Variants in KDM5A observed in about 807,000 individuals in gnomAD.
The protein encoded by KDM5A is lysine demethylase 5A.
In KDM5A, 42 loss-of-function variants were observed where a neutral mutation model predicts 193.5. That is an observed-to-expected ratio of 0.22 (90% CI 0.17 to 0.28). The LOEUF is 0.28. KDM5A is among the 10% of genes least tolerant of loss of function. The pLI, the probability that KDM5A is intolerant of heterozygous loss-of-function variation, is 1.00. For missense variants in KDM5A, 1,692 were observed against 2,055.1 expected (o/e 0.82, Z 3.42); for synonymous variants, 796 against 718.1 (o/e 1.11, Z -1.73).
rs1309592962 is a variant in KDM5A, at chr12:329,016, C to A, written c.1787G>T (p.Arg596Leu). Reference protein sequence around the residue: ...FCTADWLPIGRQCVNHYRRLR... With the variant: ...FCTADWLPIGLQCVNHYRRLR... The stretch of plus-strand genomic sequence containing the variant: ...GCGTCGGTAATGATTTACACATTGA[C>A]GTCCAATGGGCAACTGAAAATGAGA... The change falls in exon 14 of 28, where the codon CGT (arginine) becomes CTT (leucine). Residue 596 changes from arginine to leucine, a missense_variant. Around this residue, in one of 11 missense-constraint regions of KDM5A, gnomAD observed 172 missense variants for 260.3 expected, o/e 0.66. Transcript: ENST00000399788. 2 of 1,614,106 alleles carry A rather than the reference C, an allele frequency of 1.2e-6. No homozygotes were observed. Among genetic ancestry groups the A allele is most frequent in the Non-Finnish European group, 1.7e-6 (2 of 1,179,970 alleles).
At position 282,304 on chromosome 12, in the gene KDM5A, T is replaced by C. The variant is rs536711051; in HGVS notation, c.*3152A>G. 4.3e-6 allele frequency: 1 copy of C among 233,572 alleles called. No individual in the cohort carries two copies. The highest frequency in any genetic ancestry group is 5.6e-5 in the Admixed American group (1 of 17,812). The allele number at this position is 233,572 out of a possible 1,614,324, so 14.5% of individuals were successfully genotyped here. On this transcript the variant is annotated 3_prime_UTR_variant, in exon 28 of 28. Coordinates refer to ENST00000399788, the MANE Select transcript of KDM5A (RefSeq NM_001042603.3). ...TCTACTGCACCTGGCTGCCATGTTT[T>C]TTATTATTAAAGTACATTATGGGTA...
At chr12:346,698 C>T (rs1167910388) in intron 10 of KDM5A, among the ~76,000 whole-genome samples, 1 of 152,134 alleles carries the variant, frequency 6.6e-6, no homozygotes, top group African/African-American at 2.4e-5. Context: ...CAGAAAAGGC[C>T]TTTGACAAAA....
At chr12:315,141 A>G (rs773017422) in intron 19 of KDM5A, among the ~76,000 whole-genome samples, 6 of 152,224 alleles carry the variant, frequency 3.9e-5, no homozygotes, top group Non-Finnish European at 7.3e-5. Flanking sequence ...AATGAGAGAA[A>G]AAGAAGGAAT....
rs117023605 is a variant in KDM5A at position 309,492 on chromosome 12, C to T, written c.3378+311G>A. Among the ~76,000 whole-genome samples the T allele has an allele frequency of 8.4e-3, 1,273 of 152,272 alleles. 7 individuals are homozygous for T. The highest frequency in any genetic ancestry group is 0.013 in the Non-Finnish European group (868 of 68,018). On this transcript the variant is annotated intron_variant, in intron 22 of 27. Transcript: ENST00000399788. ...TCGCTTAAAGTTGCAGTGCAAGAAG[C>T]TATTGATAAAATTAAGTGAGGACTT...
In KDM5A at chr12:346,190, A is replaced by G. The variant is rs367561536; in HGVS notation, c.1308+4431T>C. Among the ~76,000 whole-genome samples, 20 of 152,352 alleles carry G rather than the reference A, an allele frequency of 1.3e-4. No individual in the cohort carries two copies. In the East Asian group the frequency reaches 1.5e-3, roughly 12 times the overall value. On this transcript the variant is annotated intron_variant, in intron 10 of 27. Coordinates refer to ENST00000399788, the MANE Select transcript of KDM5A (RefSeq NM_001042603.3). ...AGAAGAAATGGATAAATTCCTGGACACATACACTCTCCCAAGACTAAACCA... is the reference window on the plus strand; with the variant it reads ...AGAAGAAATGGATAAATTCCTGGACGCATACACTCTCCCAAGACTAAACCA...
chr12:308,172 G>A (rs1372174004), intron 22 of KDM5A, among the ~76,000 whole-genome samples, 167 bp from the exon 23 acceptor site: 1 of 152,130 alleles, frequency 6.6e-6, no homozygotes, highest in Non-Finnish European at 1.5e-5. Flanking sequence ...AGTGTGAAAT[G>A]GGCAAAGTGC....
rs144974192 is a variant in KDM5A, at chr12:303,927, A to G, written c.4074+3019T>C. Among the ~76,000 whole-genome samples, 503 of 152,368 alleles carry G rather than the reference A, an allele frequency of 3.3e-3. 3 individuals are homozygous for G. Among genetic ancestry groups the G allele is most frequent in the African/African-American group, 0.011 (477 of 41,590 alleles). On this transcript the variant is annotated intron_variant, in intron 24 of 27. Coordinates refer to ENST00000399788, the MANE Select transcript of KDM5A (RefSeq NM_001042603.3). ...ACTGCCTTTAAGCAAAAGGAAGTAT[A>G]GTAGCAGGTCTTTGAATAAAGTTGT...
intron 9 of KDM5A, 58 bp from the exon 10 acceptor site, chr12:350,837 A>C: frequency 2.1e-6 from 3 of 1,433,164 alleles, no homozygotes; most frequent in Admixed American, 3.4e-5. Flanking sequence ...TAACCCATAT[A>C]ACATAATACA....
chr12:383,207 G>A (rs995098835), intron 3 of KDM5A, among the ~76,000 whole-genome samples: 1 of 106,864 alleles, frequency 9.4e-6, no homozygotes, highest in African/African-American at 3.8e-5. Context: ...TCTTTAATAT[G>A]CCAAATTTTC....
At chr12:388,872 T>A in intron 1 of KDM5A, 55 bp downstream of exon 1, 1 of 1,570,672 alleles carries the variant, frequency 6.4e-7, no homozygotes, top group South Asian at 1.1e-5. Flanking sequence ...CTAAACCCAG[T>A]GTACGGACTC....
At chr12:331,769 T>C (rs755589983) in intron 13 of KDM5A, 50 bp downstream of exon 13, 2 of 1,610,444 alleles carry the variant, frequency 1.2e-6, no homozygotes, top group South Asian at 1.1e-5. Flanking sequence ...CTGCTTTATA[T>C]TTATAGGGGG....
chr12:344,140 T>G (rs1944041136), intron 10 of KDM5A, among the ~76,000 whole-genome samples: 1 of 152,188 alleles, frequency 6.6e-6, no homozygotes, highest in South Asian at 2.1e-4. Context: ...AATAGCCAAT[T>G]TGATCAAGTG....
chr12:329,065 A>G (rs1213376454), intron 13 of KDM5A, 36 bp from the exon 14 acceptor site: 7 of 1,576,760 alleles, frequency 4.4e-6, no homozygotes, highest in African/African-American at 1.3e-5. Context: ...TAACTCGCTT[A>G]TAACATATCC....
At chr12:316,814 C>A (rs1440485143) in intron 19 of KDM5A, among the ~76,000 whole-genome samples, 1 of 152,162 alleles carries the variant, frequency 6.6e-6, no homozygotes, top group East Asian at 1.9e-4. Context: ...AGAGGCTTCT[C>A]AGAGCTGTGC....
chr12:306,926 C>G lies in KDM5A; in HGVS notation c.4074+20G>C, dbSNP rs370954130. ...CCCAATGATCAGGTATGTACCCACA[C>G]AGCTTGTCCATGTAACTACCTTCAT... On this transcript the variant is annotated intron_variant, in intron 24 of 27. Coordinates refer to ENST00000399788, the MANE Select transcript of KDM5A (RefSeq NM_001042603.3). 1 of 1,610,424 alleles carries G rather than the reference C, an allele frequency of 6.2e-7. No homozygotes were observed. The highest frequency in any genetic ancestry group is 2.2e-5 in the East Asian group (1 of 44,788).
chr12:356,388 A>G, intron 6 of KDM5A, 44 bp downstream of exon 6: 1 of 1,181,328 alleles, frequency 8.5e-7, no homozygotes, highest in Middle Eastern at 1.9e-4. Context: ...TTTTACAATC[A>G]TATTCTACCT....
rs1264529718 is a variant in KDM5A at position 285,036 on chromosome 12, G to A, written c.*420C>T. On this transcript the variant is annotated 3_prime_UTR_variant, in exon 28 of 28. Transcript: ENST00000399788. ...CCAATCCCTCTCCAACTATCCCAAT[G>A]AAGGAGATCCAAGCAATTAGCACCT... 6 of 286,460 alleles carry A rather than the reference G, an allele frequency of 2.1e-5. No homozygotes were observed. Among genetic ancestry groups the A allele is most frequent in the African/African-American group, 4.2e-5 (2 of 47,404 alleles). 17.7% of individuals were successfully genotyped at this position (286,460 alleles called of 1,614,324 possible). A position where few individuals can be genotyped will look rare whatever the true frequency, so the allele number is the denominator to read the frequency against.
chr12:352,454 C>G (rs1187690299), intron 8 of KDM5A, 130 bp from the exon 9 acceptor site: 5 of 785,842 alleles, frequency 6.4e-6, no homozygotes, highest in Non-Finnish European at 1.1e-5. Flanking sequence ...GACAACAAAA[C>G]AAATATCAGC....
Position 285,119 on chromosome 12 carries a change from C to A in KDM5A, c.*337G>T. 1 of 365,110 alleles carries A rather than the reference C, an allele frequency of 2.7e-6. No homozygotes were observed. 22.6% of individuals were successfully genotyped at this position (365,110 alleles called of 1,614,324 possible). A position where few individuals can be genotyped will look rare whatever the true frequency, so the allele number is the denominator to read the frequency against. On this transcript the variant is annotated 3_prime_UTR_variant, in exon 28 of 28. Coordinates refer to ENST00000399788, the MANE Select transcript of KDM5A (RefSeq NM_001042603.3). ...TAACTACTATCAGCTGGACAAAAGCCACATCCTATATGCCCTGTTAGCACA... is the reference window on the plus strand; with the variant it reads ...TAACTACTATCAGCTGGACAAAAGCAACATCCTATATGCCCTGTTAGCACA...
Sources: allele counts gnomAD v4.1 joint callset (sites outside exome capture counted in the v4.1 genomes callset), GRCh38; gene constraint gnomAD v4.1.1; regional missense constraint gnomAD v4.1.1; transcripts MANE v1.5; gene names NCBI Gene and HGNC (gene_info 2026-07-23, HGNC 2026-07-21).